Variants in LSAMP observed in about 807,000 individuals in gnomAD.
The protein encoded by LSAMP is limbic system associated membrane protein.
A neutral mutation model predicts 38.6 loss-of-function variants in LSAMP; 7 were observed. That is an observed-to-expected ratio of 0.18 (90% CI 0.10 to 0.34). The LOEUF (loss-of-function observed/expected upper bound fraction) is 0.34. LSAMP is among the 10% of genes least tolerant of loss of function. The pLI is 1.00. For missense variants in LSAMP, 313 were observed against 420.0 expected (o/e 0.75, Z 2.23); for synonymous variants, 154 against 166.8 (o/e 0.92, Z 0.59).
chr3:116,376,108 A>G (rs1178311409), intron 1 of LSAMP, among the ~76,000 whole-genome samples: 1 of 152,054 alleles, frequency 6.6e-6, no homozygotes, highest in Non-Finnish European at 1.5e-5. Context: ...GTCTGCCAAC[A>G]AATGTTTGGA....
At chr3:116,221,172 G>GAAAAAAA (rs1275673221) in intron 1 of LSAMP, among the ~76,000 whole-genome samples, 157 of 66,518 alleles carry the variant, frequency 2.4e-3, no homozygotes, top group East Asian at 3.3e-3. Flanking sequence ...AAAAAAAAAG[G>GAAAAAAA]AAAGGGGCAG....
In LSAMP at chr3:116,177,701, A is replaced by G. The variant is rs148653530; in HGVS notation, c.156-91145T>C. The stretch of plus-strand genomic sequence containing the variant: ...GTTTCATGAGAAAAAAAGTGAGGGG[A>G]GCTGGTATTTTTATCAGGTTTCTCT... On this transcript the variant is annotated intron_variant, in intron 1 of 6. Transcript: ENST00000490035. Among the ~76,000 whole-genome samples, 1,051 of 152,310 alleles carry G rather than the reference A, an allele frequency of 6.9e-3. 7 individuals carry two copies. The highest frequency in any genetic ancestry group is 0.027 in the Middle Eastern group (8 of 294).
chr3:115,864,113 A>G (rs375151391), intron 3 of LSAMP, among the ~76,000 whole-genome samples: 2 of 152,320 alleles, frequency 1.3e-5, no homozygotes, highest in South Asian at 4.1e-4. Flanking sequence ...CCCCCAAAGC[A>G]GTGAGACTTG....
intron 1 of LSAMP, among the ~76,000 whole-genome samples, chr3:116,248,367 G>A (rs1576458678): frequency 6.6e-6 from 1 of 152,052 alleles, no homozygotes; most frequent in African/African-American, 2.4e-5. Context: ...CTGGACACAG[G>A]TGCACACACC....
chr3:115,875,894 A>G (rs1936167994), intron 3 of LSAMP, among the ~76,000 whole-genome samples: 1 of 152,194 alleles, frequency 6.6e-6, no homozygotes, highest in Non-Finnish European at 1.5e-5. Flanking sequence ...ACTGAAATTT[A>G]GAAACAACAT....
rs561034210 is a variant in LSAMP, at chr3:116,060,908, TAAATA to T, written c.388+25411_388+25415del. 2.8e-3 allele frequency among the ~76,000 whole-genome samples: 417 copies of T among 151,604 alleles called. 3 individuals are homozygous for T. Among genetic ancestry groups the T allele is most frequent in the African/African-American group, 8.7e-3 (362 of 41,388 alleles). On this transcript the variant is annotated intron_variant, in intron 2 of 6. Transcript: ENST00000490035. ...AAAAATAAAATACCACAATGAGAAA[TAAATA>T]AAATAAAATAAAATAAAATAAATAT... is the stretch of plus-strand genomic sequence containing the variant.
chr3:116,007,286 G>T (rs1940188916), intron 3 of LSAMP, among the ~76,000 whole-genome samples: 1 of 114,736 alleles, frequency 8.7e-6, no homozygotes, highest in Non-Finnish European at 1.7e-5. Flanking sequence ...AAATGACAAG[G>T]TATTTTTTTT....
chr3:115,984,025 A>T (rs1422721554), intron 3 of LSAMP, among the ~76,000 whole-genome samples: 1 of 152,156 alleles, frequency 6.6e-6, no homozygotes, highest in Non-Finnish European at 1.5e-5. Context: ...AGGTAGGGTG[A>T]CCAGTTAAGA....
intron 1 of LSAMP, among the ~76,000 whole-genome samples, chr3:116,338,106 C>T (rs1033744985): frequency 6.6e-6 from 1 of 151,954 alleles, no homozygotes; most frequent in Non-Finnish European, 1.5e-5. Context: ...CCTACCTTTT[C>T]CAAAGACACT....
chr3:115,959,897 G>C (rs1938570324), intron 3 of LSAMP, among the ~76,000 whole-genome samples: 1 of 152,226 alleles, frequency 6.6e-6, no homozygotes, highest in Non-Finnish European at 1.5e-5. Flanking sequence ...TCGATGATCT[G>C]AATGTGAATG....
At chr3:116,404,529 T>C (rs972049344) in intron 1 of LSAMP, among the ~76,000 whole-genome samples, 5 of 152,068 alleles carry the variant, frequency 3.3e-5, no homozygotes, top group African/African-American at 9.7e-5. Context: ...ATGAATGTGG[T>C]GGGTAGACGA....
At chr3:116,210,276 G>C (rs752009837) in intron 1 of LSAMP, among the ~76,000 whole-genome samples, 2 of 152,128 alleles carry the variant, frequency 1.3e-5, no homozygotes, top group Non-Finnish European at 1.5e-5. Context: ...TGCCAAGGGA[G>C]TTTAACATTT....
intron 1 of LSAMP, among the ~76,000 whole-genome samples, chr3:116,153,976 A>G (rs1215538018): frequency 6.6e-6 from 1 of 152,142 alleles, no homozygotes. Flanking sequence ...TTTATTCAAA[A>G]AAATTGACAA....
intron 3 of LSAMP, among the ~76,000 whole-genome samples, chr3:115,967,930 C>T (rs923363651): frequency 6.6e-6 from 1 of 152,084 alleles, no homozygotes; most frequent in Non-Finnish European, 1.5e-5. Flanking sequence ...AACCACATCA[C>T]CTCCCTTTTT....
chr3:115,810,736 C>T (rs1419843896), intron 6 of LSAMP, among the ~76,000 whole-genome samples: 1 of 152,156 alleles, frequency 6.6e-6, no homozygotes, highest in Non-Finnish European at 1.5e-5. Context: ...CTCCTGTTGG[C>T]CCTGCCCGAA....
chr3:115,864,994 A>G (rs890378977), intron 3 of LSAMP, among the ~76,000 whole-genome samples: 2 of 152,210 alleles, frequency 1.3e-5, no homozygotes, highest in Non-Finnish European at 2.9e-5. Flanking sequence ...GTAGTTGACC[A>G]GAAGATTGAC....
intron 1 of LSAMP, among the ~76,000 whole-genome samples, chr3:116,378,534 C>T (rs186412434): frequency 4.6e-5 from 7 of 152,170 alleles, no homozygotes; most frequent in East Asian, 3.9e-4. Flanking sequence ...AAGAGCTACA[C>T]TGTATAGCAG....
At chr3:116,149,752 T>C (rs1201356091) in intron 1 of LSAMP, among the ~76,000 whole-genome samples, 1 of 152,000 alleles carries the variant, frequency 6.6e-6, no homozygotes, top group African/African-American at 2.4e-5. Context: ...GAGACTTTGT[T>C]GTAATGGTGA....
In LSAMP at chr3:115,967,838, A is replaced by G. The variant is rs140866534; in HGVS notation, c.514+51677T>C. Among the ~76,000 whole-genome samples, 488 of 152,212 alleles carry G rather than the reference A, an allele frequency of 3.2e-3. 3 individuals are homozygous for G. The highest frequency in any genetic ancestry group is 5.1e-3 in the Non-Finnish European group (350 of 68,008). On this transcript the variant is annotated intron_variant, in intron 3 of 6. Coordinates refer to ENST00000490035, the MANE Select transcript of LSAMP (RefSeq NM_002338.5). ...GGGAAAGGCCTACCCCCATCATTCA[A>G]CCATCTCCCACTGGATTCCTCCCAC...
Sources: allele counts gnomAD v4.1 joint callset (sites outside exome capture counted in the v4.1 genomes callset), GRCh38; gene constraint gnomAD v4.1.1; transcripts MANE v1.5; gene names NCBI Gene and HGNC (gene_info 2026-07-23, HGNC 2026-07-21).